NUMB: variants seen among roughly 807,000 people sequenced by gnomAD.
NUMB encodes NUMB endocytic adaptor protein.
A neutral mutation model predicts 59.7 loss-of-function variants in NUMB; 29 were observed. The observed-to-expected ratio is 0.49, with a 90% CI of 0.36 to 0.66. The LOEUF is 0.66. NUMB is among the 30% of genes least tolerant of loss of function. NUMB has a pLI of 0.00. For missense variants in NUMB, 723 were observed against 822.0 expected (o/e 0.88, Z 1.47); for synonymous variants, 288 against 288.2 (o/e 1.00, Z 0.01).
At chr14:73,338,513 T>C (rs1892469999) in intron 4 of NUMB, among the ~76,000 whole-genome samples, 3 of 152,250 alleles carry the variant, frequency 2.0e-5, no homozygotes, top group Admixed American at 6.5e-5. Flanking sequence ...TGCTCATCTA[T>C]AGCTGATTCT....
At chr14:73,401,156 T>C (rs2140116821) in intron 2 of NUMB, among the ~76,000 whole-genome samples, 1 of 152,276 alleles carries the variant, frequency 6.6e-6, no homozygotes, top group South Asian at 2.1e-4. Context: ...TGCCAAAGAA[T>C]TGACTGGGTT....
At chr14:73,385,949 A>G (rs1215678316) in intron 2 of NUMB, among the ~76,000 whole-genome samples, 3 of 152,214 alleles carry the variant, frequency 2.0e-5, no homozygotes, top group Admixed American at 1.3e-4. Flanking sequence ...TTTTATTTCA[A>G]TATCTATAGA....
At chr14:73,428,725 G>C (rs1897692103) in intron 1 of NUMB, among the ~76,000 whole-genome samples, 2 of 152,104 alleles carry the variant, frequency 1.3e-5, no homozygotes, top group African/African-American at 2.4e-5. Context: ...TTCAAGGCTT[G>C]AGCTTGAGCT....
intron 2 of NUMB, among the ~76,000 whole-genome samples, chr14:73,382,755 A>T (rs745639798): frequency 2.6e-5 from 4 of 152,210 alleles, no homozygotes; most frequent in Non-Finnish European, 5.9e-5. Flanking sequence ...TATTTCCCAT[A>T]TATGATGTTT....
intron 4 of NUMB, among the ~76,000 whole-genome samples, chr14:73,352,471 CACACACATATATATATATATATAT>C (rs1893390774): frequency 4.3e-4 from 9 of 21,026 alleles, no homozygotes; most frequent in South Asian, 2.0e-3. Flanking sequence ...CACACACACA[CACACACATATATATATATATATAT>C]ATATATATAT....
At chr14:73,292,944 T>A (rs1889492396) in intron 7 of NUMB, 70 bp from the exon 8 acceptor site, 1 of 1,477,568 alleles carries the variant, frequency 6.8e-7, no homozygotes, top group African/African-American at 1.4e-5. Flanking sequence ...ACACAGGATG[T>A]TCATTTCATG....
At chr14:73,351,997 A>T (rs1287101922) in intron 4 of NUMB, among the ~76,000 whole-genome samples, 4 of 151,608 alleles carry the variant, frequency 2.6e-5, no homozygotes, top group African/African-American at 9.7e-5. Context: ...TAAAATAAAA[A>T]TAAAATAAAA....
At chr14:73,333,786 T>A (rs1458320955) in intron 4 of NUMB, among the ~76,000 whole-genome samples, 1 of 152,196 alleles carries the variant, frequency 6.6e-6, no homozygotes, top group African/African-American at 2.4e-5. Flanking sequence ...TAATGTCTTA[T>A]TTAAGAATCC....
At chr14:73,395,293 T>C (rs1323319657) in intron 2 of NUMB, among the ~76,000 whole-genome samples, 2 of 152,096 alleles carry the variant, frequency 1.3e-5, no homozygotes, top group Non-Finnish European at 2.9e-5. Context: ...TCTTGGCTAT[T>C]GTGAATAAAT....
chr14:73,443,253 G>A (rs1484475208), intron 1 of NUMB, among the ~76,000 whole-genome samples: 4 of 152,136 alleles, frequency 2.6e-5, no homozygotes, highest in African/African-American at 9.7e-5. Flanking sequence ...CATGGTGGGG[G>A]AAGAGAACTA....
intron 1 of NUMB, among the ~76,000 whole-genome samples, chr14:73,442,738 A>C (rs188012619): frequency 2.1e-4 from 32 of 152,362 alleles, no homozygotes; most frequent in African/African-American, 7.2e-4. Flanking sequence ...ACAGCAGATT[A>C]GGAGTTGCCT....
intron 2 of NUMB, among the ~76,000 whole-genome samples, chr14:73,367,348 T>TATATATAGAGAGAGAGAGAGAG (rs1555375287): frequency 1.2e-4 from 13 of 105,312 alleles, no homozygotes; most frequent in African/African-American, 4.5e-4. Flanking sequence ...TATATATATA[T>TATATATAGAGAGAGAGAGAGAG]AGAGAGAGAG....
At chr14:73,329,113 C>T (rs1305191185) in intron 4 of NUMB, among the ~76,000 whole-genome samples, 1 of 152,334 alleles carries the variant, frequency 6.6e-6, no homozygotes, top group East Asian at 1.9e-4. Flanking sequence ...GGTGATCCAC[C>T]CGCCTCGGCC....
intron 1 of NUMB, among the ~76,000 whole-genome samples, chr14:73,436,056 C>T (rs1432438196): frequency 1.3e-5 from 2 of 148,986 alleles, no homozygotes; most frequent in Non-Finnish European, 3.0e-5. Context: ...AATGGAAAAA[C>T]AAAGTGTAGT....
At chr14:73,444,685 C>T (rs1883334320) in intron 1 of NUMB, among the ~76,000 whole-genome samples, 1 of 151,428 alleles carries the variant, frequency 6.6e-6, no homozygotes, top group South Asian at 2.1e-4. Flanking sequence ...TGGTGAAACC[C>T]ATCTCTACTG....
At chr14:73,340,176 T>C (rs758018251) in intron 4 of NUMB, among the ~76,000 whole-genome samples, 1 of 152,234 alleles carries the variant, frequency 6.6e-6, no homozygotes, top group Non-Finnish European at 1.5e-5. Flanking sequence ...GGCTGCCAGT[T>C]TCTGCAGTTC....
chr14:73,409,902 C>T (rs959798956), intron 2 of NUMB, 35 bp downstream of exon 2: 2 of 152,140 alleles, frequency 1.3e-5, no homozygotes, highest in Admixed American at 6.6e-5. Flanking sequence ...GCTTTCAATC[C>T]ACTTTGCTTA....
intron 3 of NUMB, among the ~76,000 whole-genome samples, chr14:73,357,422 G>A (rs1313812123): frequency 2.0e-5 from 3 of 147,778 alleles, no homozygotes; most frequent in Non-Finnish European, 3.0e-5. Context: ...AAGAAAGAAA[G>A]AAAGAAAGGA....
At chr14:73,347,069 T>C (rs1001027110) in intron 4 of NUMB, among the ~76,000 whole-genome samples, 1 of 152,146 alleles carries the variant, frequency 6.6e-6, no homozygotes, top group Admixed American at 6.5e-5. Context: ...GCGTGATCAC[T>C]GCAGCCTCTA....
Sources: gnomAD v4.1 joint callset for allele counts (sites outside exome capture counted in the v4.1 genomes callset) on GRCh38, gnomAD v4.1.1 for gene constraint, MANE v1.5 for transcripts, NCBI Gene and HGNC (gene_info 2026-07-23, HGNC 2026-07-21) for gene names.